Variants in DYNC2H1 observed in about 807,000 individuals in gnomAD.
DYNC2H1 encodes cytoplasmic dynein 2 heavy chain 1.
A neutral mutation model predicts 570.0 loss-of-function variants in DYNC2H1; 410 were observed. The ratio of observed to expected loss-of-function variants is 0.72; its 90% CI spans 0.66 to 0.78. DYNC2H1 has a LOEUF of 0.78. Ranked by LOEUF, DYNC2H1 falls within the 30% of genes least tolerant of loss-of-function variation. DYNC2H1 has a pLI of 0.00. For missense variants in DYNC2H1, 4,865 were observed against 5,046.4 expected (o/e 0.96, Z 1.09); for synonymous variants, 1,688 against 1,677.6 (o/e 1.01, Z -0.15).
At chr11:103,149,808 T>TGAGAGA (rs137963830) in intron 20 of DYNC2H1, among the ~76,000 whole-genome samples, 2 of 148,476 alleles carry the variant, frequency 1.3e-5, no homozygotes, top group African/African-American at 2.5e-5. Flanking sequence ...AAAAGAGGAT[T>TGAGAGA]GAGAGAGAGA....
chr11:103,244,243 G>A lies in DYNC2H1; in HGVS notation c.9918+452G>A, dbSNP rs113183144. ...TAACTCATTGACAGACATCTTTAAT[G>A]TATCCCAAGATTTGATAATTGTTCA... On this transcript the variant is annotated intron_variant, in intron 64 of 88. Coordinates refer to ENST00000375735, the MANE Select transcript of DYNC2H1 (RefSeq NM_001377.3). This position sits in a 1 kb window ranked among gnomAD's most constrained non-coding sequence, Gnocchi z 4.3. 1.6e-4 allele frequency among the ~76,000 whole-genome samples: 25 copies of A among 151,982 alleles called. No individual in the cohort carries two copies. Among genetic ancestry groups the A allele is most frequent in the African/African-American group, 5.6e-4 (23 of 41,414 alleles).
chr11:103,266,888 T>C (rs1865528899), intron 70 of DYNC2H1, among the ~76,000 whole-genome samples: 1 of 152,214 alleles, frequency 6.6e-6, no homozygotes, highest in African/African-American at 2.4e-5. Flanking sequence ...TGGGCAAGAC[T>C]GCCCTGCAGA....
intron 70 of DYNC2H1, among the ~76,000 whole-genome samples, chr11:103,266,351 G>A (rs1391327485): frequency 2.0e-5 from 3 of 152,076 alleles, no homozygotes; most frequent in Non-Finnish European, 4.4e-5. Flanking sequence ...TGCAGGTGGT[G>A]TTGGCTCAAG....
intron 83 of DYNC2H1, among the ~76,000 whole-genome samples, chr11:103,389,949 G>GGT (rs1942063798): frequency 6.6e-6 from 1 of 152,182 alleles, no homozygotes; most frequent in Non-Finnish European, 1.5e-5. Flanking sequence ...GGTGTGGTGT[G>GGT]GTGCTGAGAA....
intron 65 of DYNC2H1, among the ~76,000 whole-genome samples, chr11:103,247,434 G>A (rs945173034): frequency 6.6e-6 from 1 of 151,948 alleles, no homozygotes; most frequent in Non-Finnish European, 1.5e-5. Context: ...TGTGTCTTTC[G>A]TAGTCCAATT....
chr11:103,423,237 ATGGAATGGAAGGAATCAGTGGAGATCAG>A (rs1943549992), intron 84 of DYNC2H1, among the ~76,000 whole-genome samples: 1 of 139,824 alleles, frequency 7.2e-6, no homozygotes, highest in Non-Finnish European at 1.6e-5. Flanking sequence ...GAATGGATCA[ATGGAATGGAAGGAATCAGTGGAGATCAG>A]TGGAATGGAA....
At chr11:103,474,306 C>T (rs867951605) in intron 88 of DYNC2H1, among the ~76,000 whole-genome samples, 1 of 152,096 alleles carries the variant, frequency 6.6e-6, no homozygotes, top group African/African-American at 2.4e-5. Flanking sequence ...ATTAGAACTC[C>T]GATTTCCTAT....
At chr11:103,383,556 C>T (rs902692544) in intron 83 of DYNC2H1, among the ~76,000 whole-genome samples, 4 of 151,752 alleles carry the variant, frequency 2.6e-5, no homozygotes, top group African/African-American at 9.7e-5. Flanking sequence ...TCACTGCAAG[C>T]TCTGCCTCCC....
At chr11:103,168,680 G>A (rs985237605) in intron 31 of DYNC2H1, 75 bp from the exon 32 acceptor site, 2 of 1,423,002 alleles carry the variant, frequency 1.4e-6, no homozygotes, top group Non-Finnish European at 1.9e-6. Flanking sequence ...GAAATCACCT[G>A]TACACGTAAT....
chr11:103,329,449 G>A (rs1411571017), intron 82 of DYNC2H1, among the ~76,000 whole-genome samples: 1 of 152,024 alleles, frequency 6.6e-6, no homozygotes, highest in Non-Finnish European at 1.5e-5. Context: ...AGTTTGGGAG[G>A]GAAAGTGGGT....
intron 83 of DYNC2H1, among the ~76,000 whole-genome samples, chr11:103,362,525 T>C (rs918559675): frequency 6.6e-6 from 1 of 152,058 alleles, no homozygotes; most frequent in Non-Finnish European, 1.5e-5. Context: ...ATATATGAAA[T>C]ATTTTTCCCA....
chr11:103,332,439 C>G (rs754402177), intron 82 of DYNC2H1, among the ~76,000 whole-genome samples: 18 of 152,060 alleles, frequency 1.2e-4, no homozygotes, highest in African/African-American at 4.1e-4. Flanking sequence ...GGATAAATTT[C>G]CACCACCTCA....
At chr11:103,464,548 AG>A (rs1355221394) in intron 87 of DYNC2H1, among the ~76,000 whole-genome samples, 1 of 152,220 alleles carries the variant, frequency 6.6e-6, no homozygotes, top group Non-Finnish European at 1.5e-5. Flanking sequence ...AGTAAATTAA[AG>A]AGGAAAATCT....
intron 84 of DYNC2H1, among the ~76,000 whole-genome samples, chr11:103,431,447 G>A (rs1489391589): frequency 7.9e-5 from 12 of 152,000 alleles, no homozygotes. Flanking sequence ...TCTGCCATTT[G>A]CCAGCTCTGT....
chr11:103,286,022 C>G (rs941412883), intron 73 of DYNC2H1, among the ~76,000 whole-genome samples: 3 of 152,176 alleles, frequency 2.0e-5, no homozygotes, highest in Admixed American at 1.3e-4. Flanking sequence ...AAAAGATTAA[C>G]TCATGAGTAC....
chr11:103,339,569 TTAC>T (rs1430165100), intron 82 of DYNC2H1, among the ~76,000 whole-genome samples: 1 of 152,174 alleles, frequency 6.6e-6, no homozygotes, highest in Admixed American at 6.5e-5. Flanking sequence ...AGACAAAGTC[TTAC>T]GTATTTTTTC....
chr11:103,301,837 C>T (rs1867060481), intron 75 of DYNC2H1, among the ~76,000 whole-genome samples: 1 of 151,844 alleles, frequency 6.6e-6, no homozygotes, highest in African/African-American at 2.4e-5. Flanking sequence ...TTAAGGATGT[C>T]CATATCTGAG....
At chr11:103,346,160 A>G (rs543947628) in intron 82 of DYNC2H1, among the ~76,000 whole-genome samples, 1 of 152,194 alleles carries the variant, frequency 6.6e-6, no homozygotes, top group Non-Finnish European at 1.5e-5. Context: ...ATTTTAGCAT[A>G]ATTGCATCGA....
At chr11:103,345,261 A>G (rs1939683900) in intron 82 of DYNC2H1, among the ~76,000 whole-genome samples, 1 of 148,506 alleles carries the variant, frequency 6.7e-6, no homozygotes, top group African/African-American at 2.5e-5. Flanking sequence ...TCTCCTATTG[A>G]TGGACATTTG....
Sources: gnomAD v4.1 joint callset for allele counts (sites outside exome capture counted in the v4.1 genomes callset) on GRCh38, gnomAD v4.1.1 for gene constraint, Gnocchi (gnomAD v3.1) non-coding constraint, MANE v1.5 for transcripts, NCBI Gene and HGNC (gene_info 2026-07-23, HGNC 2026-07-21) for gene names.